SEPTIN11: variants seen among roughly 807,000 people sequenced by gnomAD.
SEPTIN11 encodes septin-11.
Under a neutral mutation model 51.4 loss-of-function variants are expected in SEPTIN11, and 25 were observed. The observed-to-expected ratio is 0.49, with a 90% CI of 0.35 to 0.68. The LOEUF (loss-of-function observed/expected upper bound fraction) is 0.68. SEPTIN11 is among the 30% of genes least tolerant of loss of function. The probability of loss-of-function intolerance (pLI) is 0.00; values close to 1 mark genes in which losing one functional copy is unlikely to be tolerated. For synonymous variants in SEPTIN11, 174 were observed against 184.1 expected, an observed-to-expected ratio of 0.95 and a Z score of 0.44; for missense variants, 381 against 520.8, an observed-to-expected ratio of 0.73 and a Z score of 2.61.
At chr4:76,987,806 C>T (rs1723123215) in intron 1 of SEPTIN11, 23 of 976,194 alleles carry the variant, frequency 2.4e-5, no homozygotes, top group Non-Finnish European at 2.7e-5. Context: ...TACCTCTCTT[C>T]AGCTCAGAGG....
rs149722958 is a variant in SEPTIN11, at chr4:76,956,993, TGAGA to T, written c.27+7074_27+7077del. 1.8e-3 allele frequency among the ~76,000 whole-genome samples: 175 copies of T among 98,566 alleles called. 3 individuals carry two copies. The highest frequency in any genetic ancestry group is 0.014 in the South Asian group (43 of 3,070). 64.7% of individuals were successfully genotyped at this position (98,566 alleles called of 152,430 possible). On this transcript the variant is annotated intron_variant, in intron 1 of 9. Transcript: ENST00000264893. ...GTGTGTGTGTGTGTGTGTGTGTGTG[TGAGA>T]GAGAGAGAGACAGAGACAGAGACAG...
intron 1 of SEPTIN11, among the ~76,000 whole-genome samples, chr4:76,968,712 AAAAGATGTGGC>A (rs1722127020): frequency 6.6e-6 from 1 of 152,218 alleles, no homozygotes; most frequent in Admixed American, 6.5e-5. Flanking sequence ...CAGTAAAAGA[AAAAGATGTGGC>A]AAAATTGCTC....
chr4:76,983,938 C>T (rs1466546177), intron 1 of SEPTIN11, among the ~76,000 whole-genome samples: 1 of 152,024 alleles, frequency 6.6e-6, no homozygotes, highest in African/African-American at 2.4e-5. Context: ...ACCCTGGAGG[C>T]GGAGGTTGCA....
chr4:76,955,868 T>C (rs1234225936), intron 1 of SEPTIN11, among the ~76,000 whole-genome samples: 1 of 152,204 alleles, frequency 6.6e-6, no homozygotes, highest in African/African-American at 2.4e-5. Flanking sequence ...GATTCAGAAC[T>C]AGAAGTTATT....
chr4:77,029,341 T>C (rs921900002), intron 8 of SEPTIN11, among the ~76,000 whole-genome samples: 2 of 152,192 alleles, frequency 1.3e-5, no homozygotes, highest in Non-Finnish European at 2.9e-5. Context: ...TTTGAGTGTG[T>C]GTGTGTGTGT....
chr4:76,956,410 A>T (rs1721559959), intron 1 of SEPTIN11, among the ~76,000 whole-genome samples: 3 of 152,218 alleles, frequency 2.0e-5, no homozygotes, highest in Admixed American at 6.5e-5. Flanking sequence ...CAACATGCAT[A>T]CAGACCTCCC....
At chr4:77,001,192 C>T (rs1238536865) in intron 2 of SEPTIN11, among the ~76,000 whole-genome samples, 3 of 152,070 alleles carry the variant, frequency 2.0e-5, no homozygotes, top group Non-Finnish European at 4.4e-5. Context: ...AAACAGAAGT[C>T]CCAGATAGCA....
At chr4:77,028,222 C>T (rs1726321961) in intron 7 of SEPTIN11, among the ~76,000 whole-genome samples, 4 of 152,168 alleles carry the variant, frequency 2.6e-5, no homozygotes, top group African/African-American at 9.7e-5. Context: ...CTAAGAACAG[C>T]CGGTTACTTA....
intron 7 of SEPTIN11, among the ~76,000 whole-genome samples, chr4:77,027,146 CT>C (rs1726218206): frequency 6.6e-6 from 1 of 152,192 alleles, no homozygotes; most frequent in Non-Finnish European, 1.5e-5. Context: ...AATATGTTTT[CT>C]TTTTTCGAGA....
At chr4:76,956,583 T>C (rs1466016999) in intron 1 of SEPTIN11, among the ~76,000 whole-genome samples, 3 of 152,232 alleles carry the variant, frequency 2.0e-5, no homozygotes, top group African/African-American at 7.2e-5. Context: ...GAGTATCCTC[T>C]ATCTGGGCAT....
rs150076839 is a variant in SEPTIN11 at position 77,037,525 on chromosome 4, G to A, written c.*3013G>A. ...AAGAGAAAAATTTTTATGCTAGGAT[G>A]CCTTTATGACCACTTAATTTTTTAA... is the stretch of plus-strand genomic sequence containing the variant. On this transcript the variant is annotated 3_prime_UTR_variant, in exon 10 of 10. Coordinates refer to ENST00000264893, the MANE Select transcript of SEPTIN11 (RefSeq NM_018243.4). The A allele has an allele frequency of 1.1e-4, 110 of 985,346 alleles. No homozygotes were observed. In the African/African-American group the frequency reaches 1.6e-3, roughly 14 times the overall value. The allele number at this position is 985,346 out of a possible 1,614,324, so 61.0% of individuals were successfully genotyped here.
Position 77,030,988 on chromosome 4 carries a change from C to G in SEPTIN11, c.1274+18C>G, listed in dbSNP as rs538951570. ...AAGAAAAAGTAAGCAGGTGTCACCC[C>G]CCTGTATCGGGGACCTCTAACAATT... On this transcript the variant is annotated intron_variant, in intron 9 of 9. Coordinates refer to ENST00000264893, the MANE Select transcript of SEPTIN11 (RefSeq NM_018243.4). The G allele has an allele frequency of 1.3e-6, 2 of 1,587,592 alleles. No individual in the cohort carries two copies. The highest frequency in any genetic ancestry group is 2.3e-5 in the South Asian group (2 of 86,150).
Position 77,030,845 on chromosome 4 carries a change from C to G in SEPTIN11, c.1149C>G (p.Asp383Glu). ...AAGAAGAAAAGAAGAAAGTGGAAGA[C>G]AAGAAGAAGGAGCTTGAGGAGGAGG... ...THQEEKKKVE[D>E]KKKELEEEVN... The change falls in exon 9 of 10, where the codon GAC (aspartate) becomes GAG (glutamate). Residue 383 changes from aspartate to glutamate, a missense_variant. Asp to Glu is a conservative substitution (Grantham distance 45, BLOSUM62 2). Around this residue, in one of 2 missense-constraint regions of SEPTIN11, gnomAD observed 197 missense variants for 313.1 expected, o/e 0.63. Coordinates refer to ENST00000264893, the MANE Select transcript of SEPTIN11 (RefSeq NM_018243.4). 6.2e-7 allele frequency: 1 copy of G among 1,612,266 alleles called. No individual in the cohort carries two copies. Among genetic ancestry groups the G allele is most frequent in the South Asian group, 1.1e-5 (1 of 90,984 alleles).
chr4:77,035,769 A>G lies in SEPTIN11; in HGVS notation c.*1257A>G, dbSNP rs979781304. 7.1e-6 allele frequency: 7 copies of G among 985,786 alleles called. No homozygotes were observed. The highest frequency in any genetic ancestry group is 8.4e-6 in the Non-Finnish European group (7 of 829,952). 61.1% of individuals were successfully genotyped at this position (985,786 alleles called of 1,614,324 possible). The stretch of plus-strand genomic sequence containing the variant: ...AGGGATTAGAACTGGCCCATATGCC[A>G]GAACCTGTACTAAATGCCTAATTTG... On this transcript the variant is annotated 3_prime_UTR_variant, in exon 10 of 10. Coordinates refer to ENST00000264893, the MANE Select transcript of SEPTIN11 (RefSeq NM_018243.4).
At chr4:77,029,039 C>T (rs912887283) in intron 8 of SEPTIN11, among the ~76,000 whole-genome samples, 1 of 152,202 alleles carries the variant, frequency 6.6e-6, no homozygotes, top group Non-Finnish European at 1.5e-5. Context: ...GATCTGATCA[C>T]ATGGCCTGTG....
intron 9 of SEPTIN11, chr4:77,032,183 G>A (rs1319798113): frequency 6.7e-6 from 1 of 150,012 alleles, no homozygotes; most frequent in African/African-American, 2.5e-5. Context: ...TTTAAATCAT[G>A]CTTTACAAAC....
chr4:76,975,267 G>A (rs1362682161), intron 1 of SEPTIN11, among the ~76,000 whole-genome samples: 1 of 151,982 alleles, frequency 6.6e-6, no homozygotes, highest in Non-Finnish European at 1.5e-5. Context: ...AACATAGAAC[G>A]TGGTTGGAAA....
chr4:77,018,102 A>G (rs1217900502), intron 5 of SEPTIN11, among the ~76,000 whole-genome samples: 1 of 152,234 alleles, frequency 6.6e-6, no homozygotes, highest in Non-Finnish European at 1.5e-5. Flanking sequence ...TTAACCCAAT[A>G]TGTTGCAAAA....
intron 2 of SEPTIN11, among the ~76,000 whole-genome samples, chr4:77,000,154 G>C (rs77310420): frequency 6.6e-6 from 1 of 152,180 alleles, no homozygotes; most frequent in Non-Finnish European, 1.5e-5. Flanking sequence ...TTTGATAGTA[G>C]AGTCAAAGTA....
Sources: gnomAD v4.1 joint callset for allele counts (sites outside exome capture counted in the v4.1 genomes callset) on GRCh38, gnomAD v4.1.1 for gene constraint, gnomAD v4.1.1 regional missense constraint, MANE v1.5 for transcripts, NCBI Gene and HGNC (gene_info 2026-07-23, HGNC 2026-07-21) for gene names.